NKAIN3: variants seen among roughly 807,000 people sequenced by gnomAD.
NKAIN3 encodes the protein sodium/potassium transporting ATPase interacting 3.
In NKAIN3, 25 loss-of-function variants were observed where a neutral mutation model predicts 30.2. The observed-to-expected ratio is 0.83, with a 90% confidence interval of 0.60 to 1.16. The LOEUF (loss-of-function observed/expected upper bound fraction) is 1.16. Among genes scored for constraint, NKAIN3 ranks in the 50% most tolerant of loss-of-function variants. The pLI, the probability that NKAIN3 is intolerant of heterozygous loss-of-function variation, is 0.00. For synonymous variants in NKAIN3, 91 were observed against 89.6 expected (o/e 1.02, Z -0.09); for missense variants, 225 against 254.1 (o/e 0.89, Z 0.78).
chr8:62,478,365 G>A (rs889027262), intron 1 of NKAIN3, among the ~76,000 whole-genome samples: 2 of 152,134 alleles, frequency 1.3e-5, no homozygotes, highest in Admixed American at 6.5e-5. Context: ...AGACTCCAAT[G>A]GCCACTGCCA....
chr8:62,489,317 G>A (rs114918633), intron 1 of NKAIN3, among the ~76,000 whole-genome samples: 76 of 152,122 alleles, frequency 5.0e-4, no homozygotes, highest in Middle Eastern at 3.4e-3. Flanking sequence ...GAGCCACCAC[G>A]CCCAGCTGTC....
intron 4 of NKAIN3, among the ~76,000 whole-genome samples, chr8:62,915,758 C>G (rs919519082): frequency 5.3e-5 from 8 of 151,828 alleles, no homozygotes; most frequent in Non-Finnish European, 2.9e-5. Flanking sequence ...GAAAATGTCC[C>G]GACGTTATGA....
Position 62,335,764 on chromosome 8 carries a change from C to T in NKAIN3, c.54+86637C>T, listed in dbSNP as rs151144166. Among the ~76,000 whole-genome samples, 3 of 152,130 alleles carry T rather than the reference C, an allele frequency of 2.0e-5. No homozygotes were observed. The East Asian group carries it at 5.8e-4, about 30-fold the overall frequency. ...TGTTTCCTGGAAACTATTGCCCTGG[C>T]TCTCCGTTTCTCTCTTGAATCCATC... is the stretch of plus-strand genomic sequence containing the variant. On this transcript the variant is annotated intron_variant, in intron 1 of 6. Coordinates refer to ENST00000623646, the MANE Select transcript of NKAIN3 (RefSeq NM_001304533.3).
intron 3 of NKAIN3, among the ~76,000 whole-genome samples, chr8:62,651,622 TTG>T (rs1380843700): frequency 6.6e-6 from 1 of 152,200 alleles, no homozygotes; most frequent in Non-Finnish European, 1.5e-5. Flanking sequence ...ATAGCACTTT[TTG>T]TGTTCTCACA....
chr8:62,540,290 A>G (rs1808797834), intron 1 of NKAIN3, among the ~76,000 whole-genome samples: 1 of 152,144 alleles, frequency 6.6e-6, no homozygotes, highest in African/African-American at 2.4e-5. Context: ...ACCTTGAAAG[A>G]GATTTAACAT....
intron 1 of NKAIN3, among the ~76,000 whole-genome samples, chr8:62,394,773 C>A (rs1281469486): frequency 6.7e-6 from 1 of 149,956 alleles, no homozygotes; most frequent in Non-Finnish European, 1.5e-5. Context: ...CTCATCACTT[C>A]TCAGATGGTG....
chr8:62,952,373 C>A (rs1349897889), intron 5 of NKAIN3, among the ~76,000 whole-genome samples: 1 of 152,016 alleles, frequency 6.6e-6, no homozygotes, highest in Non-Finnish European at 1.5e-5. Flanking sequence ...ACTATTTTAC[C>A]AATGAAAACA....
chr8:62,367,591 A>C (rs1460430220), intron 1 of NKAIN3, among the ~76,000 whole-genome samples: 1 of 152,168 alleles, frequency 6.6e-6, no homozygotes, highest in Non-Finnish European at 1.5e-5. Flanking sequence ...TACCACAATA[A>C]AGGTGCAATT....
At chr8:62,663,470 T>A (rs1813004946) in intron 3 of NKAIN3, among the ~76,000 whole-genome samples, 1 of 152,212 alleles carries the variant, frequency 6.6e-6, no homozygotes, top group Non-Finnish European at 1.5e-5. Context: ...GATAGTTTAA[T>A]AAGCAGCTGA....
At chr8:62,279,440 T>C (rs1813092879) in intron 1 of NKAIN3, among the ~76,000 whole-genome samples, 1 of 152,332 alleles carries the variant, frequency 6.6e-6, no homozygotes, top group African/African-American at 2.4e-5. Context: ...AGACATGAAG[T>C]TCTTGCCCAT....
chr8:62,786,898 G>A (rs961859898), intron 4 of NKAIN3, among the ~76,000 whole-genome samples: 2 of 152,114 alleles, frequency 1.3e-5, no homozygotes, highest in African/African-American at 4.8e-5. Context: ...GAGGACAATT[G>A]TAAGCATATG....
chr8:62,487,851 T>C (rs1397176479), intron 1 of NKAIN3, among the ~76,000 whole-genome samples: 1 of 152,152 alleles, frequency 6.6e-6, no homozygotes, highest in Non-Finnish European at 1.5e-5. Context: ...CAGCTACAAA[T>C]TACAAGTGCA....
intron 3 of NKAIN3, among the ~76,000 whole-genome samples, chr8:62,728,266 T>C (rs1394080713): frequency 6.6e-6 from 1 of 151,578 alleles, no homozygotes; most frequent in African/African-American, 2.4e-5. Context: ...AGATATAACA[T>C]CAAAAGCACA....
intron 3 of NKAIN3, among the ~76,000 whole-genome samples, chr8:62,653,179 G>T (rs1251947168): frequency 2.0e-5 from 3 of 152,176 alleles, no homozygotes; most frequent in Non-Finnish European, 4.4e-5. Flanking sequence ...TTTCCCAAAG[G>T]TCTGGAGGCT....
At chr8:62,275,966 A>C (rs554650468) in intron 1 of NKAIN3, among the ~76,000 whole-genome samples, 9 of 152,316 alleles carry the variant, frequency 5.9e-5, no homozygotes, top group Non-Finnish European at 1.0e-4. Context: ...TGGTTTAATA[A>C]TACCCAAAAG....
chr8:62,498,508 G>A (rs192792860), intron 1 of NKAIN3, among the ~76,000 whole-genome samples: 48 of 151,746 alleles, frequency 3.2e-4, no homozygotes, highest in African/African-American at 1.1e-3. Flanking sequence ...CCAAATGCAC[G>A]CATGTTTTCG....
chr8:62,358,282 G>C (rs892048678), intron 1 of NKAIN3, among the ~76,000 whole-genome samples: 3 of 132,012 alleles, frequency 2.3e-5, no homozygotes, highest in Non-Finnish European at 4.7e-5. Context: ...TCCAAAGTTA[G>C]TAGTTTGATA....
chr8:62,737,713 T>C (rs1815719416), intron 3 of NKAIN3, among the ~76,000 whole-genome samples: 1 of 152,180 alleles, frequency 6.6e-6, no homozygotes, highest in Non-Finnish European at 1.5e-5. Context: ...ATCCTCAACT[T>C]TATTTTTTTA....
chr8:62,821,939 C>G (rs571009136), intron 4 of NKAIN3, among the ~76,000 whole-genome samples: 24 of 149,608 alleles, frequency 1.6e-4, no homozygotes, highest in African/African-American at 4.9e-4. Flanking sequence ...AGAAGCTGTA[C>G]TTTTCGATGC....
Sources: allele counts gnomAD v4.1 joint callset (sites outside exome capture counted in the v4.1 genomes callset), GRCh38; gene constraint gnomAD v4.1.1; transcripts MANE v1.5; gene names NCBI Gene and HGNC (gene_info 2026-07-23, HGNC 2026-07-21).